PDE7B: variants seen among roughly 807,000 people sequenced by gnomAD.
The protein encoded by PDE7B is 3',5'-cyclic-AMP phosphodiesterase 7B.
In PDE7B, 29 loss-of-function variants were observed where a neutral mutation model predicts 56.2. The observed-to-expected ratio is 0.52, with a 90% CI of 0.38 to 0.70. The LOEUF (loss-of-function observed/expected upper bound fraction) is 0.70. Ranked by LOEUF, PDE7B falls within the 30% of genes least tolerant of loss-of-function variation. PDE7B has a pLI of 0.00. For synonymous variants in PDE7B, 197 were observed against 196.9 expected (o/e 1.00, Z 0.00); for missense variants, 490 against 565.0 (o/e 0.87, Z 1.35).
At chr6:135,906,209 T>C (rs1459514016) in intron 1 of PDE7B, among the ~76,000 whole-genome samples, 6 of 152,116 alleles carry the variant, frequency 3.9e-5, no homozygotes, top group Non-Finnish European at 5.9e-5. Context: ...AGTAAAAAGC[T>C]TGAAAAAGAA....
Position 136,192,120 on chromosome 6 carries a change from G to T in PDE7B, c.*280G>T. On this transcript the variant is annotated 3_prime_UTR_variant, in exon 13 of 13. Coordinates refer to ENST00000308191, the MANE Select transcript of PDE7B (RefSeq NM_018945.4). The stretch of plus-strand genomic sequence containing the variant: ...TCTCCCTGCTCCAGGAGAAGACTAG[G>T]AGGAAGAATGAGGTGCTCCTGCCGT... 8.7e-6 allele frequency: 4 copies of T among 461,626 alleles called. No homozygotes were observed. The highest frequency in any genetic ancestry group is 1.6e-5 in the Non-Finnish European group (4 of 251,508). 28.6% of individuals were successfully genotyped at this position (461,626 alleles called of 1,614,324 possible).
At chr6:136,011,929 C>T (rs1011214706) in intron 2 of PDE7B, among the ~76,000 whole-genome samples, 1 of 152,102 alleles carries the variant, frequency 6.6e-6, no homozygotes, top group African/African-American at 2.4e-5. Context: ...TTGTACATCT[C>T]CCCTGGGTGA....
intron 1 of PDE7B, among the ~76,000 whole-genome samples, chr6:135,905,945 G>A (rs557361962): frequency 6.6e-6 from 1 of 152,296 alleles, no homozygotes; most frequent in Admixed American, 6.5e-5. Flanking sequence ...GTGCTGCGGT[G>A]ACCCTGTAAT....
chr6:135,979,189 G>T (rs1178085212), intron 2 of PDE7B, among the ~76,000 whole-genome samples: 1 of 151,724 alleles, frequency 6.6e-6, no homozygotes. Context: ...TTATTGATTT[G>T]TGTATATTGA....
At chr6:136,031,185 T>C (rs1190477774) in intron 2 of PDE7B, among the ~76,000 whole-genome samples, 2 of 152,222 alleles carry the variant, frequency 1.3e-5, no homozygotes, top group Admixed American at 6.5e-5. Context: ...ATAACTAATA[T>C]GGAACAGGCA....
chr6:135,992,845 A>T (rs1287408125), intron 2 of PDE7B, among the ~76,000 whole-genome samples: 1 of 152,246 alleles, frequency 6.6e-6, no homozygotes, highest in Admixed American at 6.5e-5. Flanking sequence ...TCTATGAAGT[A>T]TGAAACTTTA....
At chr6:135,889,209 T>A (rs561385844) in intron 1 of PDE7B, among the ~76,000 whole-genome samples, 1 of 152,116 alleles carries the variant, frequency 6.6e-6, no homozygotes, top group African/African-American at 2.4e-5. Context: ...TATGTTAGAG[T>A]ATAGGTCTAA....
intron 9 of PDE7B, among the ~76,000 whole-genome samples, chr6:136,174,372 C>T (rs1229814838): frequency 6.6e-6 from 1 of 152,078 alleles, no homozygotes; most frequent in Non-Finnish European, 1.5e-5. Flanking sequence ...ATTGAAATGG[C>T]CCTAGCATTT....
chr6:135,898,659 C>G (rs924708341), intron 1 of PDE7B, among the ~76,000 whole-genome samples: 16 of 151,890 alleles, frequency 1.1e-4, no homozygotes, highest in African/African-American at 3.9e-4. Context: ...GACATTGAAC[C>G]AAAATTTTCT....
intron 2 of PDE7B, chr6:136,038,131 A>G (rs1467963862): frequency 7.7e-7 from 1 of 1,300,804 alleles, no homozygotes; most frequent in Non-Finnish European, 1.0e-6. Flanking sequence ...CCGAAGCTGG[A>G]GAGGATCTTA....
At chr6:136,068,773 C>T (rs1583863154) in intron 2 of PDE7B, among the ~76,000 whole-genome samples, 1 of 152,142 alleles carries the variant, frequency 6.6e-6, no homozygotes, top group Non-Finnish European at 1.5e-5. Context: ...GGGTAGCAGG[C>T]TTCAGAGAGA....
chr6:135,885,328 G>GTT (rs11325233), intron 1 of PDE7B, among the ~76,000 whole-genome samples: 4 of 143,438 alleles, frequency 2.8e-5, no homozygotes, highest in Non-Finnish European at 3.1e-5. Flanking sequence ...CTTGTTTGTT[G>GTT]TTTTTTTTTT....
At chr6:136,180,493 T>C (rs1779045496) in intron 10 of PDE7B, among the ~76,000 whole-genome samples, 2 of 152,178 alleles carry the variant, frequency 1.3e-5, no homozygotes, top group South Asian at 4.1e-4. Flanking sequence ...GTTGATATGA[T>C]CCAAGGGTCT....
At chr6:135,870,641 G>A (rs1260813815) in intron 1 of PDE7B, among the ~76,000 whole-genome samples, 3 of 151,824 alleles carry the variant, frequency 2.0e-5, no homozygotes, top group Non-Finnish European at 4.4e-5. Flanking sequence ...GATCGAGGGA[G>A]GATCAGTTTG....
At position 135,960,022 on chromosome 6, in the gene PDE7B, C is replaced by T. The variant is rs1774869395; in HGVS notation, c.82+12498C>T. The stretch of plus-strand genomic sequence containing the variant: ...CTCCTGGGCTCAAGTGATTCTCTCA[C>T]CTTGACCTTCATAACAGAGTCTTAA... On this transcript the variant is annotated intron_variant, in intron 2 of 12. Transcript: ENST00000308191. Among the ~76,000 whole-genome samples, 3 of 152,284 alleles carry T rather than the reference C, an allele frequency of 2.0e-5. No homozygotes were observed. The South Asian group carries it at 6.2e-4, about 32-fold the overall frequency.
intron 1 of PDE7B, among the ~76,000 whole-genome samples, chr6:135,900,775 C>T (rs1775986875): frequency 6.6e-6 from 1 of 151,916 alleles, no homozygotes; most frequent in Admixed American, 6.6e-5. Context: ...CTGACATACT[C>T]AGTATTTCCA....
intron 1 of PDE7B, among the ~76,000 whole-genome samples, chr6:135,862,710 A>T (rs781687121): frequency 2.4e-4 from 37 of 151,348 alleles, no homozygotes; most frequent in Non-Finnish European, 4.4e-4. Flanking sequence ...GGCTATTCAG[A>T]TTTTCTATTT....
intron 2 of PDE7B, chr6:136,038,142 C>CGG (rs34030857): frequency 4.6e-6 from 6 of 1,300,574 alleles, no homozygotes; most frequent in African/African-American, 1.5e-5. Flanking sequence ...GAGGATCTTA[C>CGG]GGGGGTTCGC....
At chr6:135,945,883 A>C (rs1774588676) in intron 1 of PDE7B, among the ~76,000 whole-genome samples, 1 of 152,164 alleles carries the variant, frequency 6.6e-6, no homozygotes, top group African/African-American at 2.4e-5. Flanking sequence ...TTTTATATTC[A>C]GAGTTGTGAA....
Sources: allele counts gnomAD v4.1 joint callset (sites outside exome capture counted in the v4.1 genomes callset), GRCh38; gene constraint gnomAD v4.1.1; transcripts MANE v1.5; gene names NCBI Gene and HGNC (gene_info 2026-07-23, HGNC 2026-07-21).